RANBP2: variants seen among roughly 807,000 people sequenced by gnomAD.
The protein encoded by RANBP2 is RAN binding protein 2, also known as E3 SUMO-protein ligase RanBP2.
In RANBP2, 57 loss-of-function variants were observed where a neutral mutation model predicts 303.6. The ratio of observed to expected loss-of-function variants is 0.19; its 90% CI spans 0.15 to 0.23. RANBP2 has a LOEUF of 0.23. RANBP2 is among the 10% of genes least tolerant of loss of function. RANBP2 has a pLI of 1.00. For synonymous variants in RANBP2, 1,167 were observed against 1,301.5 expected, an observed-to-expected ratio of 0.90 and a Z score of 2.23; for missense variants, 3,138 against 3,780.8, an observed-to-expected ratio of 0.83 and a Z score of 4.46.
the RANBP2 span, among the ~76,000 whole-genome samples, chr2:109,433,248 A>C: frequency 6.6e-6 from 1 of 152,264 alleles, no homozygotes; most frequent in Non-Finnish European, 1.5e-5. Flanking sequence ...GTAAAACACT[A>C]TATACATATA....
the RANBP2 span, among the ~76,000 whole-genome samples, chr2:108,831,479 G>A: frequency 6.6e-6 from 1 of 152,150 alleles, no homozygotes; most frequent in Non-Finnish European, 1.5e-5. Flanking sequence ...TTGGTATTTA[G>A]AGGGGATAAA....
chr2:109,371,043 C>G, the RANBP2 span, among the ~76,000 whole-genome samples: 1 of 152,172 alleles, frequency 6.6e-6, no homozygotes, highest in Admixed American at 6.5e-5. Context: ...CTCTGTGGTA[C>G]ATTGCCAGGC....
chr2:109,470,856 A>G, the RANBP2 span, among the ~76,000 whole-genome samples: 1 of 152,232 alleles, frequency 6.6e-6, no homozygotes, highest in African/African-American at 2.4e-5. Flanking sequence ...CTTCCTCATG[A>G]TAAGAAATCT....
At chr2:109,104,677 G>A in the RANBP2 span, among the ~76,000 whole-genome samples, 1 of 152,028 alleles carries the variant, frequency 6.6e-6, no homozygotes, top group South Asian at 2.1e-4. Context: ...AGAGACGGGG[G>A]TTTCACCTTG....
chr2:108,963,885 T>C, the RANBP2 span, among the ~76,000 whole-genome samples: 1 of 152,146 alleles, frequency 6.6e-6, no homozygotes, highest in Admixed American at 6.5e-5. Flanking sequence ...CAGAAGCAGA[T>C]GACCATAGAC....
At chr2:109,305,236 G>C in the RANBP2 span, among the ~76,000 whole-genome samples, 2 of 152,180 alleles carry the variant, frequency 1.3e-5, no homozygotes, top group Admixed American at 6.5e-5. Context: ...TTAACCTGCT[G>C]ACGGTTTCCC....
At chr2:108,788,930 C>T (rs267598833), downstream of RANBP2, 3 of 1,614,058 alleles carry the variant, frequency 1.9e-6, no homozygotes, top group East Asian at 6.7e-5. Flanking sequence ...TGTAGAACAC[C>T]ATTGGGCAGC....
the RANBP2 span, among the ~76,000 whole-genome samples, chr2:109,736,124 A>C: frequency 6.6e-6 from 1 of 152,226 alleles, no homozygotes; most frequent in Non-Finnish European, 1.5e-5. Flanking sequence ...CTTCTGCATT[A>C]TTGTTCGAAT....
chr2:109,418,886 G>T, the RANBP2 span, among the ~76,000 whole-genome samples: 5 of 152,126 alleles, frequency 3.3e-5, no homozygotes, highest in Admixed American at 6.5e-5. Context: ...GATTCTCTAT[G>T]TAGGAATTCC....
At chr2:108,748,853 G>A in intron 8 of RANBP2, 67 bp from the exon 9 acceptor site, 1 of 1,611,570 alleles carries the variant, frequency 6.2e-7, no homozygotes, top group Non-Finnish European at 8.5e-7. Context: ...GTATACAAAT[G>A]AGACAACGTG....
the RANBP2 span, among the ~76,000 whole-genome samples, chr2:109,136,040 G>A: frequency 3.9e-5 from 6 of 152,186 alleles, no homozygotes; most frequent in South Asian, 1.0e-3. Context: ...CAGGCTGCTT[G>A]CTGTGATGGA....
the RANBP2 span, among the ~76,000 whole-genome samples, chr2:109,195,650 C>T: frequency 2.6e-5 from 4 of 152,206 alleles, no homozygotes; most frequent in African/African-American, 7.2e-5. Context: ...AGCCTCTGAC[C>T]GTGTGCCAGA....
the RANBP2 span, among the ~76,000 whole-genome samples, chr2:109,249,569 T>TTCCG: frequency 1.4e-5 from 2 of 138,736 alleles, no homozygotes; most frequent in African/African-American, 5.9e-5. Flanking sequence ...CCTTCCTTCC[T>TTCCG]TCCTTCCTTC....
chr2:109,327,353 C>T, the RANBP2 span, among the ~76,000 whole-genome samples: 3 of 152,158 alleles, frequency 2.0e-5, no homozygotes, highest in African/African-American at 4.8e-5. Context: ...GTGTCTGGAC[C>T]CTCCCTTCAG....
the RANBP2 span, chr2:108,873,620 T>A: frequency 6.8e-7 from 1 of 1,468,338 alleles, no homozygotes; most frequent in Non-Finnish European, 9.4e-7. Context: ...ACATTTTTTA[T>A]TGAAAAATAC....
At chr2:109,241,376 C>T in the RANBP2 span, among the ~76,000 whole-genome samples, 1 of 152,152 alleles carries the variant, frequency 6.6e-6, no homozygotes, top group Non-Finnish European at 1.5e-5. Context: ...CTGTGGGACC[C>T]TCTCCCCTTT....
At chr2:109,008,631 G>C in the RANBP2 span, among the ~76,000 whole-genome samples, 3 of 151,648 alleles carry the variant, frequency 2.0e-5, no homozygotes, top group East Asian at 5.8e-4. Flanking sequence ...GGCTGGGTGC[G>C]GTGGCTCACA....
At chr2:108,893,986 T>C in the RANBP2 span, among the ~76,000 whole-genome samples, 2 of 151,354 alleles carry the variant, frequency 1.3e-5, no homozygotes, top group African/African-American at 4.8e-5. Context: ...AGAGCCTCTC[T>C]CTGTTATCTA....
At chr2:109,369,497 TG>T in the RANBP2 span, among the ~76,000 whole-genome samples, 1 of 152,278 alleles carries the variant, frequency 6.6e-6, no homozygotes, top group Non-Finnish European at 1.5e-5. Flanking sequence ...TACGTTTTTC[TG>T]GCCTATAATG....
Sources: gnomAD v4.1 joint callset for allele counts (sites outside exome capture counted in the v4.1 genomes callset) on GRCh38, gnomAD v4.1.1 for gene constraint, MANE v1.5 for transcripts, NCBI Gene and HGNC (gene_info 2026-07-23, HGNC 2026-07-21) for gene names.